CNKSR3: variants seen among roughly 807,000 people sequenced by gnomAD.
CNKSR3 encodes connector enhancer of kinase suppressor of ras 3.
A neutral mutation model predicts 67.7 loss-of-function variants in CNKSR3; 36 were observed. The observed-to-expected ratio is 0.53, with a 90% confidence interval of 0.41 to 0.70. The LOEUF (loss-of-function observed/expected upper bound fraction) is 0.70, where lower values mean the gene tolerates loss of function less well. Among genes scored for constraint, CNKSR3 ranks in the 30% least tolerant of loss-of-function variants. The pLI, the probability that CNKSR3 is intolerant of heterozygous loss-of-function variation, is 0.00. For missense variants in CNKSR3, 630 were observed against 695.2 expected (o/e 0.91, Z 1.05); for synonymous variants, 281 against 271.4 (o/e 1.04, Z -0.35).
intron 1 of CNKSR3, among the ~76,000 whole-genome samples, chr6:154,480,225 A>C (rs1720163930): frequency 6.6e-6 from 1 of 152,192 alleles, no homozygotes; most frequent in Non-Finnish European, 1.5e-5. Context: ...CCACAACATA[A>C]GCTGGGCACT....
At chr6:154,467,372 T>C (rs1786226125) in intron 1 of CNKSR3, among the ~76,000 whole-genome samples, 1 of 152,196 alleles carries the variant, frequency 6.6e-6, no homozygotes, top group South Asian at 2.1e-4. Flanking sequence ...AGCCAGGACA[T>C]ACATCAACTA....
At position 154,464,437 on chromosome 6, in the gene CNKSR3, C is replaced by T. The variant is rs76038509; in HGVS notation, c.53-14179G>A. Among the ~76,000 whole-genome samples, 674 of 152,274 alleles carry T rather than the reference C, an allele frequency of 4.4e-3. 2 individuals are homozygous for T. The highest frequency in any genetic ancestry group is 6.9e-3 in the Non-Finnish European group (469 of 68,016). The stretch of plus-strand genomic sequence containing the variant: ...CGTTAAAGAAAGACAAAGGCCTGGG[C>T]GGGGTGCAGTGACTCACACCTGTAA... On this transcript the variant is annotated intron_variant, in intron 1 of 12. Transcript: ENST00000607772.
chr6:154,500,855 T>C (rs1348625038), intron 1 of CNKSR3, among the ~76,000 whole-genome samples: 1 of 152,232 alleles, frequency 6.6e-6, no homozygotes, highest in East Asian at 1.9e-4. Flanking sequence ...TTTGCCCTTC[T>C]GATCCCAGGT....
chr6:154,416,356 C>T (rs185027155), intron 9 of CNKSR3, among the ~76,000 whole-genome samples: 4 of 152,214 alleles, frequency 2.6e-5, no homozygotes, highest in African/African-American at 9.6e-5. Flanking sequence ...AGTAGAACCC[C>T]CATATTTTAA....
At chr6:154,479,857 T>C (rs1266612918) in intron 1 of CNKSR3, among the ~76,000 whole-genome samples, 4 of 152,242 alleles carry the variant, frequency 2.6e-5, no homozygotes, top group African/African-American at 9.6e-5. Flanking sequence ...GATTTTATTC[T>C]TGCAACTTAC....
At chr6:154,436,197 G>C (rs1785469209) in intron 4 of CNKSR3, among the ~76,000 whole-genome samples, 1 of 152,286 alleles carries the variant, frequency 6.6e-6, no homozygotes, top group South Asian at 2.1e-4. Context: ...TGTGACACAG[G>C]GTCTCACTGT....
chr6:154,508,357 T>G (rs1787144497), intron 1 of CNKSR3, among the ~76,000 whole-genome samples: 1 of 152,218 alleles, frequency 6.6e-6, no homozygotes, highest in African/African-American at 2.4e-5. Context: ...GCCATGTGTA[T>G]TTTAGACTTA....
At chr6:154,422,438 C>G in intron 9 of CNKSR3, 68 bp downstream of exon 9, 2 of 1,481,560 alleles carry the variant, frequency 1.3e-6, no homozygotes, top group Non-Finnish European at 1.9e-6. Context: ...ATTTTAATCT[C>G]TTTTTGTTTG....
At chr6:154,450,791 C>T (rs1785810448) in intron 1 of CNKSR3, among the ~76,000 whole-genome samples, 1 of 152,174 alleles carries the variant, frequency 6.6e-6, no homozygotes, top group African/African-American at 2.4e-5. Flanking sequence ...GACACAAGAA[C>T]TGAGAAGCTC....
chr6:154,481,465 C>T (rs988641277), intron 1 of CNKSR3, among the ~76,000 whole-genome samples: 2 of 152,234 alleles, frequency 1.3e-5, no homozygotes, highest in Non-Finnish European at 2.9e-5. Flanking sequence ...GCAGTCAGCT[C>T]TAACACAGTT....
At chr6:154,481,696 G>A (rs1232950961) in intron 1 of CNKSR3, among the ~76,000 whole-genome samples, 1 of 152,158 alleles carries the variant, frequency 6.6e-6, no homozygotes, top group African/African-American at 2.4e-5. Flanking sequence ...TGATGACCAG[G>A]TTCTGGTCAT....
chr6:154,496,052 C>T (rs1021805097), intron 1 of CNKSR3, among the ~76,000 whole-genome samples: 4 of 152,172 alleles, frequency 2.6e-5, no homozygotes, highest in African/African-American at 9.7e-5. Flanking sequence ...AAAAGACTTA[C>T]CTGGCCACCT....
At chr6:154,484,627 A>G (rs1786628717) in intron 1 of CNKSR3, among the ~76,000 whole-genome samples, 1 of 149,132 alleles carries the variant, frequency 6.7e-6, no homozygotes, top group Non-Finnish European at 1.5e-5. Context: ...GCCGGAACCC[A>G]GGAGGTGGAG....
intron 2 of CNKSR3, among the ~76,000 whole-genome samples, chr6:154,447,105 G>A (rs996574028): frequency 5.9e-5 from 9 of 152,138 alleles, no homozygotes; most frequent in African/African-American, 1.9e-4. Context: ...ACAGGTGTAA[G>A]CCATTGCACC....
chr6:154,488,473 C>G (rs1786721857), intron 1 of CNKSR3, among the ~76,000 whole-genome samples: 1 of 152,150 alleles, frequency 6.6e-6, no homozygotes, highest in African/African-American at 2.4e-5. Flanking sequence ...ATTTCTACAG[C>G]ATGACTGGAA....
In CNKSR3 at chr6:154,405,963, C is replaced by T. The variant is rs1249960795; in HGVS notation, c.*391G>A. On this transcript the variant is annotated 3_prime_UTR_variant, in exon 13 of 13. Coordinates refer to ENST00000607772, the MANE Select transcript of CNKSR3 (RefSeq NM_173515.4). ...ATAAAGAAGTTGGACCACAAACCAA[C>T]ACATCTGTGTGAAAACAGCCACCAA... The T allele has an allele frequency of 5.8e-6, 1 of 170,970 alleles. No individual in the cohort carries two copies. The highest frequency in any genetic ancestry group is 2.4e-5 in the African/African-American group (1 of 42,106). 10.6% of individuals were successfully genotyped at this position (170,970 alleles called of 1,614,324 possible).
At chr6:154,446,977 T>C (rs1785719993) in intron 2 of CNKSR3, among the ~76,000 whole-genome samples, 1 of 152,068 alleles carries the variant, frequency 6.6e-6, no homozygotes, top group South Asian at 2.1e-4. Flanking sequence ...GCTAATTTTT[T>C]GTATTTTTAG....
chr6:154,509,940 G>A, intron 1 of CNKSR3, 123 bp downstream of exon 1: 2 of 1,050,780 alleles, frequency 1.9e-6, no homozygotes, highest in East Asian at 2.4e-5. Flanking sequence ...AGTTTGCATT[G>A]TCACCGGGCT....
chr6:154,487,179 T>A (rs988098403), intron 1 of CNKSR3, among the ~76,000 whole-genome samples: 5 of 152,332 alleles, frequency 3.3e-5, no homozygotes, highest in African/African-American at 1.2e-4. Flanking sequence ...AATGGGCAGT[T>A]TACTATTTAT....
Sources: gnomAD v4.1 joint callset for allele counts (sites outside exome capture counted in the v4.1 genomes callset) on GRCh38, gnomAD v4.1.1 for gene constraint, MANE v1.5 for transcripts, NCBI Gene and HGNC (gene_info 2026-07-23, HGNC 2026-07-21) for gene names.